Variants in DPP8 observed in about 807,000 individuals in gnomAD.
The protein encoded by DPP8 is DPP VIII.
Under a neutral mutation model 107.5 loss-of-function variants are expected in DPP8, and 31 were observed. The observed-to-expected ratio is 0.29, with a 90% CI of 0.22 to 0.39. The LOEUF (loss-of-function observed/expected upper bound fraction) is 0.39. DPP8 is among the 10% of genes least tolerant of loss of function. DPP8 has a pLI of 1.00. For missense variants in DPP8, 842 were observed against 1,076.1 expected (o/e 0.78, Z 3.04); for synonymous variants, 381 against 356.6 (o/e 1.07, Z -0.77).
chr15:65,491,564 T>C (rs1179188950), intron 5 of DPP8, among the ~76,000 whole-genome samples: 1 of 152,236 alleles, frequency 6.6e-6, no homozygotes, highest in Admixed American at 6.5e-5. Context: ...AATGAAATCA[T>C]ACAGTATGTA....
chr15:65,479,979 A>G lies in DPP8; in HGVS notation c.1296+243T>C, dbSNP rs543448112. Among the ~76,000 whole-genome samples, 3 of 152,212 alleles carry G rather than the reference A, an allele frequency of 2.0e-5. No individual in the cohort carries two copies. The South Asian group carries it at 6.2e-4, about 32-fold the overall frequency. ...GAGCACTGATGAGGCTGTATATTTA[A>G]TATCTATTATCTCCAGGAACAAATC... On this transcript the variant is annotated intron_variant, in intron 10 of 19. Coordinates refer to ENST00000300141, the MANE Select transcript of DPP8 (RefSeq NM_130434.5).
At chr15:65,451,596 T>A (rs1280039678) in intron 18 of DPP8, among the ~76,000 whole-genome samples, 1 of 152,202 alleles carries the variant, frequency 6.6e-6, no homozygotes, top group African/African-American at 2.4e-5. Flanking sequence ...GACAATTTTT[T>A]AAAATACAAT....
At chr15:65,479,408 T>C (rs1193879905) in intron 10 of DPP8, among the ~76,000 whole-genome samples, 2 of 152,142 alleles carry the variant, frequency 1.3e-5, no homozygotes, top group South Asian at 2.1e-4. Context: ...CAAAAAGAAT[T>C]TTTCTAATAG....
intron 3 of DPP8, among the ~76,000 whole-genome samples, chr15:65,506,663 T>C (rs1022287798): frequency 4.0e-5 from 6 of 148,722 alleles, no homozygotes; most frequent in Non-Finnish European, 5.9e-5. Context: ...TATAAACATA[T>C]AAACATATGT....
At chr15:65,495,281 T>C (rs556275031) in intron 5 of DPP8, among the ~76,000 whole-genome samples, 1 of 152,180 alleles carries the variant, frequency 6.6e-6, no homozygotes, top group Non-Finnish European at 1.5e-5. Flanking sequence ...AAGCCTTCCC[T>C]GACCACTGTC....
In DPP8 at chr15:65,487,547, T is replaced by G. The variant is rs1027898220; in HGVS notation, c.955+143A>C. 4.2e-6 allele frequency: 3 copies of G among 721,444 alleles called. No homozygotes were observed. The African/African-American group carries it at 5.7e-5, about 14-fold the overall frequency. The allele number at this position is 721,444 out of a possible 1,614,324, so 44.7% of individuals were successfully genotyped here. On this transcript the variant is annotated intron_variant, in intron 7 of 19. Transcript: ENST00000300141. ...AGATCACCCTTTAATTCAAAATCTA[T>G]TTTTGTGGTACTTAGTGAACAACCC...
chr15:65,442,541 T>C lies in DPP8; in HGVS notation c.*4343A>G, dbSNP rs2063334818. 6.6e-6 allele frequency: 1 copy of C among 152,216 alleles called. No homozygotes were observed. The highest frequency in any genetic ancestry group is 2.4e-5 in the African/African-American group (1 of 41,452). The allele number at this position is 152,216 out of a possible 1,614,324, so 9.4% of individuals were successfully genotyped here. Reference sequence around the variant, plus strand: ...AAGAAAACTAATGTTTCACTTTACATGATTAAAAGCCATATACCTAAAAAT... The same window carrying C: ...AAGAAAACTAATGTTTCACTTTACACGATTAAAAGCCATATACCTAAAAAT... On this transcript the variant is annotated 3_prime_UTR_variant, in exon 20 of 20. Coordinates refer to ENST00000300141, the MANE Select transcript of DPP8 (RefSeq NM_130434.5).
chr15:65,503,219 T>G (rs922864434), intron 3 of DPP8, among the ~76,000 whole-genome samples: 2 of 151,152 alleles, frequency 1.3e-5, no homozygotes, highest in Admixed American at 1.3e-4. Flanking sequence ...GAGATTCTCC[T>G]GTCTCAGCCT....
chr15:65,465,170 T>A (rs2065238569), intron 14 of DPP8, among the ~76,000 whole-genome samples: 1 of 148,968 alleles, frequency 6.7e-6, no homozygotes, highest in African/African-American at 2.5e-5. Flanking sequence ...GTTTTTTCTT[T>A]TTTTTTTTTT....
At chr15:65,480,528 T>C (rs1013117168) in intron 9 of DPP8, 129 bp from the exon 10 acceptor site, 1 of 541,408 alleles carries the variant, frequency 1.8e-6, no homozygotes. Flanking sequence ...TTAGTGTATA[T>C]TAAATTATCA....
At chr15:65,488,083 T>G (rs1424732409) in intron 6 of DPP8, among the ~76,000 whole-genome samples, 4 of 152,218 alleles carry the variant, frequency 2.6e-5, no homozygotes, top group African/African-American at 9.6e-5. Flanking sequence ...AGGACTTTGT[T>G]CTTGCATACC....
chr15:65,455,948 C>T, intron 16 of DPP8: 2 of 992,750 alleles, frequency 2.0e-6, no homozygotes, highest in Non-Finnish European at 2.8e-6. Context: ...GTACAGGATG[C>T]TGAAAGCTAA....
intron 19 of DPP8, among the ~76,000 whole-genome samples, chr15:65,447,608 A>C (rs1013249064): frequency 6.6e-6 from 1 of 152,248 alleles, no homozygotes; most frequent in African/African-American, 2.4e-5. Flanking sequence ...AGGATGTCTC[A>C]AAGAAAAGTA....
intron 6 of DPP8, among the ~76,000 whole-genome samples, chr15:65,488,833 G>C (rs939225529): frequency 6.6e-6 from 1 of 152,126 alleles, no homozygotes; most frequent in Non-Finnish European, 1.5e-5. Context: ...AGATACTTGT[G>C]AATTTGCCAC....
intron 1 of DPP8, chr15:65,515,824 T>C: frequency 1.2e-6 from 1 of 836,388 alleles, no homozygotes; most frequent in Non-Finnish European, 1.9e-6. Context: ...AAGATAAGAC[T>C]TTGATCATTA....
intron 2 of DPP8, among the ~76,000 whole-genome samples, chr15:65,510,351 C>T (rs1241835622): frequency 6.6e-6 from 1 of 151,936 alleles, no homozygotes; most frequent in African/African-American, 2.4e-5. Context: ...AAAAAATAAG[C>T]AAACTTGGGA....
At chr15:65,489,021 C>T (rs993611338) in intron 6 of DPP8, among the ~76,000 whole-genome samples, 6 of 152,130 alleles carry the variant, frequency 3.9e-5, no homozygotes, top group East Asian at 1.9e-4. Context: ...AGCAGAGTGG[C>T]GCAATCTCAG....
chr15:65,475,029 C>T (rs950934075), intron 11 of DPP8, among the ~76,000 whole-genome samples: 1 of 151,806 alleles, frequency 6.6e-6, no homozygotes, highest in African/African-American at 2.4e-5. Flanking sequence ...TTTTTCATAA[C>T]TTGTTTCTGT....
At position 65,481,591 on chromosome 15, in the gene DPP8, G is replaced by A; in HGVS notation, c.1042C>T (p.Leu348=). 6.4e-7 allele frequency: 1 copy of A among 1,569,112 alleles called. No individual in the cohort carries two copies. The highest frequency in any genetic ancestry group is 8.7e-7 in the Non-Finnish European group (1 of 1,154,522). The part of the protein sequence containing the change: ...GRIIDVIDKE[L]IQPFEILFEG... ...AATAGAATCTCAAAAGGTTGAATTA[G>A]TTCCTTATCTATGACATCTATGATC... The change falls in exon 9 of 20, where the codon CTA becomes TTA. Residue 348 remains leucine, a synonymous_variant. Transcript: ENST00000300141.
Sources: gnomAD v4.1 joint callset for allele counts (sites outside exome capture counted in the v4.1 genomes callset) on GRCh38, gnomAD v4.1.1 for gene constraint, MANE v1.5 for transcripts, NCBI Gene and HGNC (gene_info 2026-07-23, HGNC 2026-07-21) for gene names.